Variants in CNTLN observed in about 807,000 individuals in gnomAD.
CNTLN encodes centlein, centrosomal protein.
CNTLN carries 212 observed loss-of-function variants against 180.0 expected under a neutral mutation model. That is an observed-to-expected ratio of 1.18 (90% CI 1.05 to 1.32). The LOEUF (loss-of-function observed/expected upper bound fraction) is 1.32, where lower values mean the gene tolerates loss of function less well. CNTLN is among the 40% of genes most tolerant of loss of function. CNTLN has a pLI of 0.00. For synonymous variants in CNTLN, 722 were observed against 563.1 expected, an observed-to-expected ratio of 1.28 and a Z score of -3.99; for missense variants, 2,095 against 1,610.9, an observed-to-expected ratio of 1.30 and a Z score of -5.14.
chr9:17,520,534 A>G, the CNTLN span, among the ~76,000 whole-genome samples: 1 of 152,238 alleles, frequency 6.6e-6, no homozygotes, highest in Non-Finnish European at 1.5e-5. Context: ...TTGTATGGGA[A>G]GGGCATTCTG....
At chr9:17,359,999 T>C (rs144356888) in intron 12 of CNTLN, among the ~76,000 whole-genome samples, 39 of 152,250 alleles carry the variant, frequency 2.6e-4, no homozygotes, top group African/African-American at 8.9e-4. Context: ...GTGTCTTATT[T>C]TTCTAGATTT....
intron 5 of CNTLN, among the ~76,000 whole-genome samples, chr9:17,245,638 T>C (rs1825757101): frequency 6.6e-6 from 1 of 152,140 alleles, no homozygotes; most frequent in South Asian, 2.1e-4. Context: ...TTTTCTAGCC[T>C]GACCTCTCTC....
intron 13 of CNTLN, among the ~76,000 whole-genome samples, chr9:17,376,632 TA>T (rs1430562215): frequency 2.6e-5 from 4 of 152,000 alleles, no homozygotes; most frequent in Admixed American, 2.0e-4. Flanking sequence ...TTTGTATTTT[TA>T]GTAGAGACGG....
intron 13 of CNTLN, among the ~76,000 whole-genome samples, chr9:17,372,664 A>G (rs575527147): frequency 1.3e-5 from 2 of 152,246 alleles, no homozygotes; most frequent in Non-Finnish European, 2.9e-5. Flanking sequence ...CCAGACAAAG[A>G]CACATCAAAA....
intron 10 of CNTLN, among the ~76,000 whole-genome samples, chr9:17,337,552 G>A (rs967466677): frequency 6.6e-6 from 1 of 152,182 alleles, no homozygotes; most frequent in East Asian, 1.9e-4. Context: ...AGCATTCACT[G>A]CTTTTATTAA....
At chr9:17,212,688 AC>A (rs1823415927) in intron 2 of CNTLN, among the ~76,000 whole-genome samples, 1 of 151,906 alleles carries the variant, frequency 6.6e-6, no homozygotes, top group South Asian at 2.1e-4. Context: ...CTGCTCCTGG[AC>A]TTTTTTGGTT....
At chr9:17,301,235 A>T in intron 7 of CNTLN, 12 of 985,458 alleles carry the variant, frequency 1.2e-5, no homozygotes, top group Non-Finnish European at 1.4e-5. Context: ...TAGAGCTTAT[A>T]TGCCCCTATT....
intron 2 of CNTLN, among the ~76,000 whole-genome samples, chr9:17,192,116 C>A (rs540910762): frequency 6.6e-6 from 1 of 152,196 alleles, no homozygotes; most frequent in South Asian, 2.1e-4. Flanking sequence ...CATAGTTTAA[C>A]AAGCATAATG....
chr9:17,266,495 T>C (rs1050341108), intron 5 of CNTLN, among the ~76,000 whole-genome samples: 1 of 152,186 alleles, frequency 6.6e-6, no homozygotes, highest in African/African-American at 2.4e-5. Flanking sequence ...GGTGTGCTGC[T>C]GAATAAAATG....
At chr9:17,355,946 C>A (rs1402847471) in intron 12 of CNTLN, among the ~76,000 whole-genome samples, 5 of 151,668 alleles carry the variant, frequency 3.3e-5, no homozygotes. Flanking sequence ...CGCCTGTAGT[C>A]CCAGCTACTC....
At chr9:17,457,288 C>G (rs1433809854) in intron 18 of CNTLN, among the ~76,000 whole-genome samples, 1 of 151,930 alleles carries the variant, frequency 6.6e-6, no homozygotes, top group Non-Finnish European at 1.5e-5. Flanking sequence ...TCAGGACCAG[C>G]CAACCAAAAG....
At position 17,309,125 on chromosome 9, in the gene CNTLN, T is replaced by C. The variant is rs746442059; in HGVS notation, c.1214T>C (p.Val405Ala). ...AATGAAGCTATGCTCCGGCAAAGTG[T>C]TACTAATCTTCAGGATCAGCTATTA... ...KSNEAMLRQSVTNLQDQLLQK... is the reference protein window; with the variant it reads ...KSNEAMLRQSATNLQDQLLQK... The change falls in exon 8 of 26, where the codon GTT becomes GCT. Residue 405 changes from valine to alanine, a missense_variant. Coordinates refer to ENST00000380647, the MANE Select transcript of CNTLN (RefSeq NM_017738.4). 5.0e-6 allele frequency: 8 copies of C among 1,610,072 alleles called. No homozygotes were observed. In the East Asian group the frequency reaches 1.8e-4, roughly 36 times the overall value.
At chr9:17,485,290 C>A (rs75660710) in intron 24 of CNTLN, among the ~76,000 whole-genome samples, 2 of 152,056 alleles carry the variant, frequency 1.3e-5, no homozygotes, top group Non-Finnish European at 2.9e-5. Context: ...CATCCTCTGG[C>A]CCCCTCTTCA....
intron 8 of CNTLN, among the ~76,000 whole-genome samples, chr9:17,324,331 T>A (rs1820119057): frequency 6.6e-6 from 1 of 152,198 alleles, no homozygotes; most frequent in South Asian, 2.1e-4. Context: ...TCTGGCAGAA[T>A]GTGAGGCTTA....
chr9:17,414,528 TAA>T (rs1314811714), intron 16 of CNTLN, among the ~76,000 whole-genome samples: 1 of 152,170 alleles, frequency 6.6e-6, no homozygotes, highest in Non-Finnish European at 1.5e-5. Context: ...ATAAAGCAAT[TAA>T]AAATTTATAT....
At chr9:17,484,593 A>G in intron 24 of CNTLN, 113 bp downstream of exon 24, 2 of 813,700 alleles carry the variant, frequency 2.5e-6, no homozygotes, top group South Asian at 4.5e-5. Context: ...AGTGTTAATG[A>G]TGGTAAGATG....
chr9:17,422,393 C>A (rs1828783000), intron 18 of CNTLN, among the ~76,000 whole-genome samples: 2 of 152,014 alleles, frequency 1.3e-5, no homozygotes. Context: ...TGGTTTAATT[C>A]TATCACCCTC....
chr9:17,142,767 G>A (rs995412523), intron 1 of CNTLN, among the ~76,000 whole-genome samples: 9 of 152,174 alleles, frequency 5.9e-5, no homozygotes, highest in Admixed American at 3.3e-4. Context: ...CTCCTCAAAA[G>A]AGATACCTGT....
chr9:17,294,931 C>CGGGGGGGAGTGGGGGGAGGGG (rs1204612283), intron 6 of CNTLN, among the ~76,000 whole-genome samples: 1 of 31,342 alleles, frequency 3.2e-5, no homozygotes. Context: ...GGGGGGAGGG[C>CGGGGGGGAGTGGGGGGAGGGG]GGGGGAGGCT....
Sources: allele counts gnomAD v4.1 joint callset (sites outside exome capture counted in the v4.1 genomes callset), GRCh38; gene constraint gnomAD v4.1.1; transcripts MANE v1.5; gene names NCBI Gene and HGNC (gene_info 2026-07-23, HGNC 2026-07-21).